Variants in CSMD1 observed in about 807,000 individuals in gnomAD.
CSMD1 encodes the protein CUB and sushi domain-containing protein 1.
CSMD1 carries 213 observed loss-of-function variants against 417.5 expected under a neutral mutation model. The ratio of observed to expected loss-of-function variants is 0.51; its 90% CI spans 0.46 to 0.57. The LOEUF (loss-of-function observed/expected upper bound fraction) is 0.57, where lower values mean the gene tolerates loss of function less well. Ranked by LOEUF, CSMD1 falls within the 20% of genes least tolerant of loss-of-function variation. The probability of loss-of-function intolerance (pLI) is 0.00; values close to 1 mark genes in which losing one functional copy is unlikely to be tolerated. For synonymous variants in CSMD1, 2,862 were observed against 1,736.8 expected (o/e 1.65, Z -16.11); for missense variants, 6,923 against 4,529.7 (o/e 1.53, Z -15.17).
chr8:4,610,756 T>C (rs1052773763), intron 2 of CSMD1, among the ~76,000 whole-genome samples: 4 of 152,216 alleles, frequency 2.6e-5, no homozygotes, highest in African/African-American at 2.4e-5. Context: ...GCCAATTATA[T>C]GTTACTTAAT....
intron 1 of CSMD1, among the ~76,000 whole-genome samples, chr8:4,846,145 T>A (rs1483118679): frequency 2.0e-5 from 3 of 152,194 alleles, no homozygotes; most frequent in African/African-American, 7.2e-5. Context: ...TCTCCTGTCC[T>A]GCATACTATT....
At chr8:4,325,924 G>T (rs1387317305) in intron 3 of CSMD1, among the ~76,000 whole-genome samples, 1 of 152,088 alleles carries the variant, frequency 6.6e-6, no homozygotes, top group Non-Finnish European at 1.5e-5. Flanking sequence ...TTACATGCTG[G>T]CTGGGGCACC....
chr8:3,501,885 A>G (rs1254227200), intron 10 of CSMD1, among the ~76,000 whole-genome samples: 6 of 152,196 alleles, frequency 3.9e-5, no homozygotes, highest in Admixed American at 2.0e-4. Context: ...TAAGGAGACA[A>G]ACTGACCAAA....
rs575701043 is a variant in CSMD1 at position 3,544,882 on chromosome 8, T to G, written c.1344+30063A>C. On this transcript the variant is annotated intron_variant, in intron 10 of 69. Transcript: ENST00000635120. ...AGCTATAGTAAGTAAAATGTCAATA[T>G]GGTTATTTCTATGAATTAATACCAA... Among the ~76,000 whole-genome samples, 169 of 152,348 alleles carry G rather than the reference T, an allele frequency of 1.1e-3. 1 individual carries two copies. Among genetic ancestry groups the G allele is most frequent in the African/African-American group, 3.9e-3 (163 of 41,588 alleles).
At chr8:3,732,189 G>A (rs776562816) in intron 6 of CSMD1, among the ~76,000 whole-genome samples, 1 of 152,194 alleles carries the variant, frequency 6.6e-6, no homozygotes, top group Non-Finnish European at 1.5e-5. Context: ...CTTGGGAACA[G>A]AGTCTTTCCG....
rs943654634 is a variant in CSMD1, at chr8:3,178,171, G to A, written c.5725+2939C>T. Among the ~76,000 whole-genome samples, 3 of 152,058 alleles carry A rather than the reference G, an allele frequency of 2.0e-5. No homozygotes were observed. The East Asian group carries it at 5.8e-4, about 29-fold the overall frequency. ...ACCAGACTTTCTTGGAACTGCTTTT[G>A]CTACCATTACTATTTTACAGCCCAT... On this transcript the variant is annotated intron_variant, in intron 37 of 69. Coordinates refer to ENST00000635120, the MANE Select transcript of CSMD1 (RefSeq NM_033225.6).
At chr8:3,643,300 C>T (rs978651929) in intron 7 of CSMD1, among the ~76,000 whole-genome samples, 3 of 151,504 alleles carry the variant, frequency 2.0e-5, no homozygotes, top group East Asian at 1.9e-4. Context: ...AAAGGAGGGA[C>T]GGGCAAAGAA....
intron 9 of CSMD1, among the ~76,000 whole-genome samples, chr8:3,585,086 G>T (rs1022847962): frequency 6.6e-6 from 1 of 152,048 alleles, no homozygotes; most frequent in Non-Finnish European, 1.5e-5. Flanking sequence ...CCTTCCGGTG[G>T]GGCGGGTCCT....
intron 1 of CSMD1, among the ~76,000 whole-genome samples, chr8:4,949,649 T>C (rs58350700): frequency 3.3e-5 from 5 of 152,292 alleles, no homozygotes; most frequent in Non-Finnish European, 2.9e-5. Context: ...TGACCCCACA[T>C]GGCAATAGTG....
chr8:4,694,631 A>T (rs111707133), intron 1 of CSMD1, among the ~76,000 whole-genome samples: 1 of 151,830 alleles, frequency 6.6e-6, no homozygotes, highest in African/African-American at 2.4e-5. Flanking sequence ...CCAAAGTACT[A>T]GGATTACAGC....
At chr8:2,997,135 G>A (rs1206573719) in intron 54 of CSMD1, among the ~76,000 whole-genome samples, 1 of 152,228 alleles carries the variant, frequency 6.6e-6, no homozygotes, top group African/African-American at 2.4e-5. Context: ...TCATCAGTGT[G>A]TTGGTCAAAA....
chr8:4,326,796 A>C (rs1156839081), intron 3 of CSMD1, among the ~76,000 whole-genome samples: 1 of 152,074 alleles, frequency 6.6e-6, no homozygotes, highest in Non-Finnish European at 1.5e-5. Context: ...TCAGCTAAGA[A>C]ATCACCAAGA....
chr8:4,875,218 G>A (rs1031385861), intron 1 of CSMD1, among the ~76,000 whole-genome samples: 1 of 151,912 alleles, frequency 6.6e-6, no homozygotes. Flanking sequence ...AGCTGAGAAG[G>A]AAAATAAGCA....
intron 2 of CSMD1, among the ~76,000 whole-genome samples, chr8:4,486,224 T>TAC (rs1157991592): frequency 0.021 from 281 of 13,574 alleles, 8 homozygotes; most frequent in Middle Eastern, 0.1. Context: ...TATATATATA[T>TAC]ACATACATAT....
intron 1 of CSMD1, among the ~76,000 whole-genome samples, chr8:4,766,339 G>C (rs994307770): frequency 1.3e-5 from 2 of 152,154 alleles, no homozygotes; most frequent in Non-Finnish European, 2.9e-5. Context: ...TGGGGGCCTG[G>C]TGTAAGGTTG....
intron 22 of CSMD1, among the ~76,000 whole-genome samples, chr8:3,347,277 G>T (rs1808075058): frequency 6.6e-6 from 1 of 152,184 alleles, no homozygotes; most frequent in South Asian, 2.1e-4. Flanking sequence ...CAACCCCTAG[G>T]CCATGGAAGG....
intron 3 of CSMD1, among the ~76,000 whole-genome samples, chr8:4,162,563 TTTGA>T (rs1392721669): frequency 6.6e-6 from 1 of 152,190 alleles, no homozygotes; most frequent in Non-Finnish European, 1.5e-5. Context: ...CCTAAGTTAC[TTTGA>T]TTTTTTAAAT....
At chr8:4,570,493 T>C (rs1217155110) in intron 2 of CSMD1, among the ~76,000 whole-genome samples, 1 of 152,160 alleles carries the variant, frequency 6.6e-6, no homozygotes, top group Non-Finnish European at 1.5e-5. Context: ...GCTGACTGGA[T>C]CATGTTGGAT....
chr8:4,716,305 G>C (rs1456800001), intron 1 of CSMD1, among the ~76,000 whole-genome samples: 1 of 151,584 alleles, frequency 6.6e-6, no homozygotes, highest in Non-Finnish European at 1.5e-5. Context: ...AGGGCACAAA[G>C]AAGGTCATGT....
Sources: allele counts gnomAD v4.1 joint callset (sites outside exome capture counted in the v4.1 genomes callset), GRCh38; gene constraint gnomAD v4.1.1; transcripts MANE v1.5; gene names NCBI Gene and HGNC (gene_info 2026-07-23, HGNC 2026-07-21).